The following TNFSF4 variants were observed in gnomAD, a reference collection of about 807,000 sequenced individuals.
TNFSF4 encodes TNF superfamily member 4, also known as tumor necrosis factor ligand superfamily member 4.
TNFSF4 carries 4 observed loss-of-function variants against 7.3 expected under a neutral mutation model. The observed-to-expected ratio is 0.55, with a 90% CI of 0.27 to 1.25. The LOEUF (loss-of-function observed/expected upper bound fraction) is 1.25. TNFSF4 is among the 50% of genes most tolerant of loss of function. The pLI is 0.12. For synonymous variants in TNFSF4, 76 were observed against 83.7 expected, an observed-to-expected ratio of 0.91 and a Z score of 0.50; for missense variants, 181 against 208.8, an observed-to-expected ratio of 0.87 and a Z score of 0.82.
chr1:173,178,578 T>TA, the TNFSF4 span, among the ~76,000 whole-genome samples: 3 of 151,982 alleles, frequency 2.0e-5, no homozygotes, highest in Non-Finnish European at 4.4e-5. Flanking sequence ...CGTCTCAAAA[T>TA]AAAAAAATTT....
the TNFSF4 span, among the ~76,000 whole-genome samples, chr1:173,446,298 TA>T: frequency 6.6e-6 from 1 of 152,192 alleles, no homozygotes; most frequent in Admixed American, 6.5e-5. Context: ...AAATTAAGCA[TA>T]TTTTTAACAT....
the TNFSF4 span, among the ~76,000 whole-genome samples, chr1:173,386,603 A>C: frequency 6.6e-6 from 1 of 152,120 alleles, no homozygotes; most frequent in Non-Finnish European, 1.5e-5. Flanking sequence ...CATCACAGAG[A>C]GCCCCCACTG....
the TNFSF4 span, among the ~76,000 whole-genome samples, chr1:173,270,186 G>A: frequency 0.029 from 4,353 of 152,178 alleles, 180 homozygotes; most frequent in African/African-American, 0.093. Flanking sequence ...AGATTTGGGG[G>A]AAAACATTTA....
At chr1:173,420,650 G>A in the TNFSF4 span, among the ~76,000 whole-genome samples, 1 of 152,034 alleles carries the variant, frequency 6.6e-6, no homozygotes, top group Non-Finnish European at 1.5e-5. Flanking sequence ...AGAAAAGAAA[G>A]TAAACACTTA....
chr1:173,324,844 G>A, the TNFSF4 span, among the ~76,000 whole-genome samples: 1 of 152,228 alleles, frequency 6.6e-6, no homozygotes. Context: ...CCCAATACAG[G>A]AGCACCCAGA....
the TNFSF4 span, among the ~76,000 whole-genome samples, chr1:173,235,548 T>C: frequency 6.6e-6 from 1 of 152,172 alleles, no homozygotes; most frequent in Non-Finnish European, 1.5e-5. Context: ...ACATGAGTTG[T>C]AATGCACAGT....
chr1:173,316,295 C>G, the TNFSF4 span, among the ~76,000 whole-genome samples: 1 of 151,788 alleles, frequency 6.6e-6, no homozygotes, highest in African/African-American at 2.4e-5. Context: ...GTCAAAACAT[C>G]GTTTTTACCT....
the TNFSF4 span, among the ~76,000 whole-genome samples, chr1:173,408,712 C>T: frequency 6.6e-6 from 1 of 151,944 alleles, no homozygotes; most frequent in African/African-American, 2.4e-5. Context: ...CTTAGCCTAC[C>T]GAGTAGCTGG....
At chr1:173,196,495 C>T (rs1649703142) in intron 1 of TNFSF4, among the ~76,000 whole-genome samples, 1 of 152,122 alleles carries the variant, frequency 6.6e-6, no homozygotes, top group Non-Finnish European at 1.5e-5. Flanking sequence ...CTCATAGCCA[C>T]CTCTCTCTCT....
chr1:173,305,105 T>C, the TNFSF4 span, among the ~76,000 whole-genome samples: 3 of 151,938 alleles, frequency 2.0e-5, no homozygotes, highest in Admixed American at 2.0e-4. Flanking sequence ...GAGGATTCCA[T>C]TTAATTTATC....
At chr1:173,400,551 T>C in the TNFSF4 span, among the ~76,000 whole-genome samples, 2 of 152,212 alleles carry the variant, frequency 1.3e-5, no homozygotes, top group African/African-American at 4.8e-5. Flanking sequence ...TTCCATTGAA[T>C]TGGAAATTAA....
At chr1:173,384,486 T>A in the TNFSF4 span, among the ~76,000 whole-genome samples, 1 of 152,086 alleles carries the variant, frequency 6.6e-6, no homozygotes, top group African/African-American at 2.4e-5. Flanking sequence ...AAAAACACAT[T>A]TATTTTATAA....
At chr1:173,211,106 G>T (rs1184369578), upstream of TNFSF4, among the ~76,000 whole-genome samples, 3 of 152,146 alleles carry the variant, frequency 2.0e-5, no homozygotes, top group Non-Finnish European at 4.4e-5. Flanking sequence ...AAGCAGGGAG[G>T]ACACAAATGG....
At chr1:173,363,116 A>G in the TNFSF4 span, 1 of 341,062 alleles carries the variant, frequency 2.9e-6, no homozygotes, top group Non-Finnish European at 5.8e-6. Flanking sequence ...TTTTGCTACC[A>G]ACTCTTACAT....
the TNFSF4 span, among the ~76,000 whole-genome samples, chr1:173,318,680 T>C: frequency 6.6e-6 from 1 of 152,238 alleles, no homozygotes. Flanking sequence ...CAAGAATTTA[T>C]ATGAAGAGCT....
the TNFSF4 span, among the ~76,000 whole-genome samples, chr1:173,379,166 A>G: frequency 3.3e-5 from 5 of 152,198 alleles, no homozygotes; most frequent in South Asian, 2.1e-4. Context: ...GATATCTGGT[A>G]TCTTAGTCAA....
At chr1:173,416,706 G>A in the TNFSF4 span, among the ~76,000 whole-genome samples, 2 of 151,538 alleles carry the variant, frequency 1.3e-5, no homozygotes, top group Non-Finnish European at 2.9e-5. Flanking sequence ...TTGGCTCACT[G>A]CAACCTCAGC....
At chr1:173,320,598 A>C in the TNFSF4 span, among the ~76,000 whole-genome samples, 1 of 152,086 alleles carries the variant, frequency 6.6e-6, no homozygotes, top group Non-Finnish European at 1.5e-5. Flanking sequence ...TAGCCCAAAA[A>C]CTCCTTAAAC....
At chr1:173,281,726 G>A in the TNFSF4 span, among the ~76,000 whole-genome samples, 2 of 152,128 alleles carry the variant, frequency 1.3e-5, no homozygotes, top group Admixed American at 1.3e-4. Context: ...GAAGGATGGA[G>A]TAATCAAATC....
Sources: gnomAD v4.1 joint callset for allele counts (sites outside exome capture counted in the v4.1 genomes callset) on GRCh38, gnomAD v4.1.1 for gene constraint, MANE v1.5 for transcripts, NCBI Gene and HGNC (gene_info 2026-07-23, HGNC 2026-07-21) for gene names.